The following FGF13 variants were observed in gnomAD, a reference collection of about 807,000 sequenced individuals.
The protein encoded by FGF13 is fibroblast growth factor 13, also known as fibroblast growth factor homologous factor 2.
FGF13 carries 2 observed loss-of-function variants against 19.5 expected under a neutral mutation model. The observed-to-expected ratio is 0.10, with a 90% confidence interval of 0.04 to 0.32. FGF13 has a LOEUF of 0.32. Among genes scored for constraint, FGF13 ranks in the 10% least tolerant of loss-of-function variants. FGF13 has a pLI of 1.00. For synonymous variants in FGF13, 72 were observed against 76.9 expected (o/e 0.94, Z 0.33); for missense variants, 113 against 192.7 (o/e 0.59, Z 2.45).
intron 1 of FGF13, among the ~76,000 whole-genome samples, chrX:139,192,772 C>T (rs959058161): frequency 3.0e-4 from 34 of 111,713 alleles, no homozygotes; most frequent in South Asian, 3.8e-4. Context: ...ATGACTCCAT[C>T]CAGCTTGACT....
chrX:139,147,265 G>C (rs1456625158), intron 1 of FGF13, among the ~76,000 whole-genome samples: 1 of 109,509 alleles, frequency 9.1e-6, no homozygotes, highest in Non-Finnish European at 1.9e-5. Flanking sequence ...AGACAGCCTA[G>C]GGCAAGCAGC....
chrX:139,016,306 A>G (rs995754535), intron 1 of FGF13, among the ~76,000 whole-genome samples: 1 of 111,069 alleles, frequency 9.0e-6, no homozygotes, highest in African/African-American at 3.3e-5. Flanking sequence ...AAGAGGGGGG[A>G]AAGTACTATT....
At chrX:139,089,565 C>T (rs987568193) in intron 1 of FGF13, among the ~76,000 whole-genome samples, 1 of 111,146 alleles carries the variant, frequency 9.0e-6, no homozygotes, top group Non-Finnish European at 1.9e-5. Context: ...AGACAGAAGA[C>T]CTGGACTCAA....
intron 1 of FGF13, 127 bp downstream of exon 1, chrX:138,710,690 C>T: frequency 9.3e-7 from 1 of 1,078,863 alleles, no homozygotes; most frequent in South Asian, 2.4e-5. Context: ...CGCACGCACA[C>T]AGGCTAGGTG....
intron 1 of FGF13, among the ~76,000 whole-genome samples, chrX:138,900,032 T>C (rs1023926848): frequency 9.0e-6 from 1 of 110,891 alleles, no homozygotes; most frequent in African/African-American, 3.3e-5. Context: ...ATAAAAAAAA[T>C]GGGAGAAGAG....
In FGF13 at chrX:138,635,469, T is replaced by C; in HGVS notation, c.589A>G (p.Lys197Glu). The C allele has an allele frequency of 8.3e-7, 1 of 1,211,132 alleles. No homozygotes were observed. Among genetic ancestry groups the C allele is most frequent in the South Asian group, 1.8e-5 (1 of 57,000 alleles). ...KNKPAAHFLP[K>E]PLKVAMYKEP... ...ATATCAAATGTACCTTTCAGTGGTT[T>C]AGGCAGAAAATGAGCTGCAGGCTTG... The change falls in exon 4 of 5, where the codon AAA (lysine) becomes GAA (glutamate). Residue 197 changes from lysine to glutamate, a missense_variant. Around this residue, in one of 4 missense-constraint regions of FGF13, gnomAD observed 43 missense variants for 41.4 expected, o/e 1.04. Coordinates refer to ENST00000315930, the MANE Select transcript of FGF13 (RefSeq NM_004114.5).
chrX:139,089,177 TG>T (rs2083424228), intron 1 of FGF13, among the ~76,000 whole-genome samples: 1 of 111,607 alleles, frequency 9.0e-6, no homozygotes, highest in Admixed American at 9.5e-5. Flanking sequence ...GGAGAGAAAG[TG>T]GGAGGAAGCA....
chrX:139,002,299 A>C (rs1234901097), intron 1 of FGF13, among the ~76,000 whole-genome samples: 1 of 111,589 alleles, frequency 9.0e-6, no homozygotes. Context: ...GTAAACAAAC[A>C]TGCACGTTGT....
intron 1 of FGF13, among the ~76,000 whole-genome samples, chrX:139,002,885 A>C (rs2092079976): frequency 8.9e-6 from 1 of 112,001 alleles, no homozygotes; most frequent in South Asian, 3.8e-4. Flanking sequence ...ATACCCAGGA[A>C]GTATACTATA....
chrX:138,745,443 G>A (rs1313847256), intron 3 of FGF13, among the ~76,000 whole-genome samples: 1 of 111,784 alleles, frequency 8.9e-6, no homozygotes. Context: ...GCACCCCCTT[G>A]TGGAGAAATA....
chrX:138,933,919 T>C (rs986219503), intron 1 of FGF13, among the ~76,000 whole-genome samples: 5 of 112,085 alleles, frequency 4.5e-5, no homozygotes, highest in African/African-American at 1.6e-4. Context: ...AGTAACTGTA[T>C]ACATTAAACT....
At chrX:138,899,673 G>T (rs932005486) in intron 1 of FGF13, among the ~76,000 whole-genome samples, 1 of 111,624 alleles carries the variant, frequency 9.0e-6, no homozygotes, top group African/African-American at 3.3e-5. Flanking sequence ...GATGGGCCAA[G>T]ACAAGAATGA....
chrX:138,739,207 A>G, intron 1 of FGF13: 2 of 806,245 alleles, frequency 2.5e-6, no homozygotes, highest in South Asian at 2.1e-5. Flanking sequence ...ATTCAAATCT[A>G]TGTCCATCAA....
intron 1 of FGF13, among the ~76,000 whole-genome samples, chrX:139,149,227 C>T (rs867468190): frequency 8.9e-6 from 1 of 111,830 alleles, no homozygotes; most frequent in South Asian, 3.7e-4. Context: ...AATTGTGATA[C>T]TTAACACATC....
At chrX:139,065,794 C>T (rs1002874890) in intron 1 of FGF13, among the ~76,000 whole-genome samples, 1 of 111,215 alleles carries the variant, frequency 9.0e-6, no homozygotes, top group African/African-American at 3.3e-5. Flanking sequence ...ATATCCAGGA[C>T]TTGAATTCAG....
chrX:138,744,906 A>G (rs1248000510), intron 3 of FGF13, among the ~76,000 whole-genome samples: 4 of 111,843 alleles, frequency 3.6e-5, no homozygotes, highest in African/African-American at 1.3e-4. Context: ...CACAAAGTAC[A>G]ACTTTCCCAA....
chrX:138,762,684 C>T lies in FGF13; in HGVS notation c.218-53756G>A, dbSNP rs1164799595. ...TGCAACAATAGGCAAGTCACTTACCCTCTCTGTGCCTAAGTTTTCTTATCT... is the reference window on the plus strand; with the variant it reads ...TGCAACAATAGGCAAGTCACTTACCTTCTCTGTGCCTAAGTTTTCTTATCT... On this transcript the variant is annotated intron_variant, in intron 3 of 6. Coordinates refer to the FGF13 transcript ENST00000436198. 2.7e-5 allele frequency among the ~76,000 whole-genome samples: 3 copies of T among 111,674 alleles called. No homozygotes were observed. The East Asian group carries it at 8.5e-4, about 32-fold the overall frequency.
At chrX:138,696,334 C>A (rs375648480) in intron 3 of FGF13, among the ~76,000 whole-genome samples, 49 of 111,910 alleles carry the variant, frequency 4.4e-4, no homozygotes, top group African/African-American at 1.2e-3. Flanking sequence ...GACTGGGGAA[C>A]GGGATAAGGT....
At chrX:138,862,537 A>T (rs1195361885) in intron 2 of FGF13, among the ~76,000 whole-genome samples, 1 of 111,580 alleles carries the variant, frequency 9.0e-6, no homozygotes, top group Non-Finnish European at 1.9e-5. Flanking sequence ...GAGAAAAAAA[A>T]ATGGGGTAAT....
Sources: allele counts gnomAD v4.1 joint callset (sites outside exome capture counted in the v4.1 genomes callset), GRCh38; gene constraint gnomAD v4.1.1; regional missense constraint gnomAD v4.1.1; transcripts MANE v1.5; gene names NCBI Gene and HGNC (gene_info 2026-07-23, HGNC 2026-07-21).